Variants in IQCJ observed in about 807,000 individuals in gnomAD.
IQCJ encodes the protein IQ motif containing J.
Under a neutral mutation model 11.0 loss-of-function variants are expected in IQCJ, and 9 were observed. The observed-to-expected ratio is 0.82, with a 90% CI of 0.49 to 1.43. The LOEUF is 1.43. Ranked by LOEUF, IQCJ falls within the 40% of genes most tolerant of loss-of-function variation. IQCJ has a pLI of 0.00. For synonymous variants in IQCJ, 55 were observed against 51.3 expected, an observed-to-expected ratio of 1.07 and a Z score of -0.31; for missense variants, 146 against 133.2, an observed-to-expected ratio of 1.10 and a Z score of -0.47.
chr3:159,197,044 G>A (rs182573212), intron 1 of IQCJ, among the ~76,000 whole-genome samples: 16 of 151,132 alleles, frequency 1.1e-4, no homozygotes, highest in Admixed American at 2.6e-4. Flanking sequence ...GCACCTGGTT[G>A]GTCTTTCCAC....
chr3:159,186,754 G>A (rs1017227170), intron 1 of IQCJ, among the ~76,000 whole-genome samples: 2 of 152,206 alleles, frequency 1.3e-5, no homozygotes, highest in African/African-American at 4.8e-5. Context: ...CTAGCAAGGT[G>A]CAGTTAATGA....
intron 1 of IQCJ, among the ~76,000 whole-genome samples, chr3:159,204,906 T>C (rs1379352581): frequency 2.0e-5 from 3 of 152,172 alleles, no homozygotes; most frequent in African/African-American, 7.2e-5. Flanking sequence ...CCTTGATGCT[T>C]TGAAGGGGTA....
intron 1 of IQCJ, among the ~76,000 whole-genome samples, chr3:159,221,522 A>T (rs1057100152): frequency 4.6e-5 from 7 of 152,146 alleles, no homozygotes; most frequent in Admixed American, 4.6e-4. Context: ...ATGATAAATT[A>T]CTACAATTTT....
At chr3:159,241,675 G>T (rs1726932804) in intron 1 of IQCJ, among the ~76,000 whole-genome samples, 1 of 152,102 alleles carries the variant, frequency 6.6e-6, no homozygotes, top group Non-Finnish European at 1.5e-5. Context: ...GAATCCAGAG[G>T]AATAAACTGA....
chr3:159,222,018 C>G (rs989192673), intron 1 of IQCJ, among the ~76,000 whole-genome samples: 1 of 152,204 alleles, frequency 6.6e-6, no homozygotes, highest in East Asian at 1.9e-4. Flanking sequence ...GAAGATCCAA[C>G]ATATTCAATC....
At chr3:159,221,865 C>T (rs556091474) in intron 1 of IQCJ, among the ~76,000 whole-genome samples, 138 of 148,682 alleles carry the variant, frequency 9.3e-4, no homozygotes, top group African/African-American at 3.3e-3. Flanking sequence ...GAACACTAAA[C>T]TGGAAGACAC....
chr3:159,228,512 C>T (rs573169536), intron 1 of IQCJ, among the ~76,000 whole-genome samples: 1 of 151,790 alleles, frequency 6.6e-6, no homozygotes, highest in Non-Finnish European at 1.5e-5. Flanking sequence ...ATGGCCTGGC[C>T]GGGCGCGGTG....
At chr3:159,128,752 AGCACC>A (rs66941018) in intron 1 of IQCJ, among the ~76,000 whole-genome samples, 4,427 of 152,222 alleles carry the variant, frequency 0.029, 191 homozygotes, top group African/African-American at 0.1. Context: ...AAGTTTATAA[AGCACC>A]CTTTCTTCCT....
At chr3:159,234,100 G>A (rs1234407525) in intron 1 of IQCJ, among the ~76,000 whole-genome samples, 1 of 152,104 alleles carries the variant, frequency 6.6e-6, no homozygotes, top group Non-Finnish European at 1.5e-5. Context: ...TAGATTCTGG[G>A]ATCAGACTGC....
chr3:159,131,713 T>G (rs1264528771), intron 1 of IQCJ, among the ~76,000 whole-genome samples: 2 of 152,256 alleles, frequency 1.3e-5, no homozygotes, highest in Admixed American at 1.3e-4. Flanking sequence ...TAAGGTCTGT[T>G]CCCTTGAACC....
chr3:159,177,193 A>G (rs1290667791), intron 1 of IQCJ, among the ~76,000 whole-genome samples: 2 of 152,210 alleles, frequency 1.3e-5, no homozygotes, highest in Non-Finnish European at 2.9e-5. Context: ...ATCCATATCA[A>G]TGGGGATCTT....
intron 1 of IQCJ, among the ~76,000 whole-genome samples, chr3:159,118,469 T>A (rs965524146): frequency 6.6e-6 from 1 of 152,208 alleles, no homozygotes; most frequent in Non-Finnish European, 1.5e-5. Context: ...TTTATAAACA[T>A]CTTACATGTA....
chr3:159,198,035 C>T (rs1419707408), intron 1 of IQCJ, among the ~76,000 whole-genome samples: 1 of 152,062 alleles, frequency 6.6e-6, no homozygotes, highest in Non-Finnish European at 1.5e-5. Flanking sequence ...TACTCTGATT[C>T]TCTGGTTGAA....
intron 1 of IQCJ, 145 bp downstream of exon 1, chr3:159,069,586 G>T: frequency 2.6e-6 from 3 of 1,153,344 alleles, no homozygotes; most frequent in Non-Finnish European, 2.4e-6. Context: ...CTTAATTATT[G>T]GTCTAGGTGC....
chr3:159,218,531 A>G (rs1165301549), intron 1 of IQCJ, among the ~76,000 whole-genome samples: 3 of 152,170 alleles, frequency 2.0e-5, no homozygotes, highest in Non-Finnish European at 4.4e-5. Flanking sequence ...TGTCTTTTAT[A>G]TAAGAAGAGA....
intron 1 of IQCJ, among the ~76,000 whole-genome samples, chr3:159,209,611 A>G (rs984548001): frequency 6.6e-6 from 1 of 152,190 alleles, no homozygotes; most frequent in African/African-American, 2.4e-5. Context: ...TCCAGAGGTC[A>G]TGGGCAACCA....
chr3:159,175,285 A>G (rs761966463), intron 1 of IQCJ, among the ~76,000 whole-genome samples: 33 of 152,126 alleles, frequency 2.2e-4, no homozygotes, highest in South Asian at 2.1e-4. Context: ...TAGCCTGGCA[A>G]CATGGCGAAA....
chr3:159,171,506 G>A (rs1722482820), intron 1 of IQCJ, among the ~76,000 whole-genome samples: 1 of 152,118 alleles, frequency 6.6e-6, no homozygotes. Context: ...AGGCTCCCAG[G>A]TAATGCTGAT....
chr3:159,239,350 G>A (rs1422039214), intron 1 of IQCJ, among the ~76,000 whole-genome samples: 2 of 152,110 alleles, frequency 1.3e-5, no homozygotes, highest in Non-Finnish European at 1.5e-5. Flanking sequence ...ATAAAGTACT[G>A]CATCAAAGCC....
Sources: gnomAD v4.1 joint callset for allele counts (sites outside exome capture counted in the v4.1 genomes callset) on GRCh38, gnomAD v4.1.1 for gene constraint, MANE v1.5 for transcripts, NCBI Gene and HGNC (gene_info 2026-07-23, HGNC 2026-07-21) for gene names.